The following MTUS2 variants were observed in gnomAD, a reference collection of about 807,000 sequenced individuals.
MTUS2 encodes the protein microtubule associated scaffold protein 2.
In MTUS2, 40 loss-of-function variants were observed where a neutral mutation model predicts 114.1. That is an observed-to-expected ratio of 0.35 (90% CI 0.27 to 0.46). The LOEUF (loss-of-function observed/expected upper bound fraction) is 0.46, where lower values mean the gene tolerates loss of function less well. Among genes scored for constraint, MTUS2 ranks in the 20% least tolerant of loss-of-function variants. The pLI is 1.00. For missense variants in MTUS2, 1,679 were observed against 1,705.4 expected (o/e 0.98, Z 0.27); for synonymous variants, 688 against 672.0 (o/e 1.02, Z -0.37).
At chr13:29,366,298 C>T (rs1405159047) in intron 8 of MTUS2, among the ~76,000 whole-genome samples, 2 of 152,116 alleles carry the variant, frequency 1.3e-5, no homozygotes, top group African/African-American at 4.8e-5. Context: ...CAGGGAAACT[C>T]CCCTTTATAA....
At chr13:29,124,013 A>G (rs1432978976) in intron 5 of MTUS2, among the ~76,000 whole-genome samples, 1 of 152,224 alleles carries the variant, frequency 6.6e-6, no homozygotes, top group Admixed American at 6.5e-5. Context: ...TTTTACAGAA[A>G]TGACAAATAA....
intron 2 of MTUS2, among the ~76,000 whole-genome samples, chr13:28,955,832 A>G (rs540296741): frequency 6.6e-6 from 1 of 151,890 alleles, no homozygotes; most frequent in African/African-American, 2.4e-5. Flanking sequence ...GCAGGCCTTC[A>G]TGGCATGCCC....
chr13:29,389,594 T>C (rs193189489), intron 8 of MTUS2, among the ~76,000 whole-genome samples: 1 of 138,618 alleles, frequency 7.2e-6, no homozygotes, highest in African/African-American at 2.7e-5. Context: ...CGTATACATA[T>C]GTGTGTATAC....
intron 9 of MTUS2, among the ~76,000 whole-genome samples, chr13:29,448,857 G>C (rs1472174236): frequency 6.7e-6 from 1 of 149,194 alleles, no homozygotes. Flanking sequence ...GAGTTCAAGC[G>C]ATTCTCCTGC....
chr13:29,467,299 G>A (rs1246273404), intron 9 of MTUS2, among the ~76,000 whole-genome samples: 3 of 152,138 alleles, frequency 2.0e-5, no homozygotes, highest in Admixed American at 2.0e-4. Flanking sequence ...GGAGATGATG[G>A]TACCTTACAA....
At position 28,971,100 on chromosome 13, in the gene MTUS2, C is replaced by T. The variant is rs11840461; in HGVS notation, c.-242-53357C>T. ...ATCCCTGGAACACACATTGAAAAAT[C>T]GTGCCAGAAAGTAGAGATTGGTGTT... On this transcript the variant is annotated intron_variant, in intron 2 of 15. Coordinates refer to ENST00000612955, the MANE Select transcript of MTUS2 (RefSeq NM_001033602.4). Among the ~76,000 whole-genome samples the T allele has an allele frequency of 9.5e-3, 1,450 of 152,280 alleles. 33 individuals are homozygous for T. The highest frequency in any genetic ancestry group is 0.033 in the African/African-American group (1,372 of 41,548).
intron 7 of MTUS2, among the ~76,000 whole-genome samples, chr13:29,331,410 C>T (rs578098631): frequency 2.0e-4 from 30 of 152,196 alleles, no homozygotes; most frequent in African/African-American, 6.0e-4. Flanking sequence ...TCTTCCTGTT[C>T]GAATATGCTT....
chr13:29,273,624 T>C (rs1897956297), intron 5 of MTUS2, among the ~76,000 whole-genome samples: 1 of 152,156 alleles, frequency 6.6e-6, no homozygotes, highest in Non-Finnish European at 1.5e-5. Flanking sequence ...ATTCACAAGG[T>C]TATGCAATAT....
intron 2 of MTUS2, among the ~76,000 whole-genome samples, chr13:28,920,302 G>A (rs1472625296): frequency 1.3e-5 from 2 of 152,172 alleles, no homozygotes; most frequent in African/African-American, 4.8e-5. Flanking sequence ...ATAACACTGT[G>A]GTTCTTGCAG....
At chr13:28,847,721 A>G (rs1875982118) in intron 2 of MTUS2, among the ~76,000 whole-genome samples, 1 of 152,112 alleles carries the variant, frequency 6.6e-6, no homozygotes, top group Admixed American at 6.5e-5. Flanking sequence ...TCCCGGGCCC[A>G]TCTCCTGGCT....
chr13:29,175,482 G>A (rs1893735693), intron 5 of MTUS2, among the ~76,000 whole-genome samples: 1 of 152,142 alleles, frequency 6.6e-6, no homozygotes. Context: ...CTTATACGTG[G>A]GCTAAAAATT....
At chr13:28,852,953 A>ATACC (rs1333659696) in intron 2 of MTUS2, among the ~76,000 whole-genome samples, 1 of 119,112 alleles carries the variant, frequency 8.4e-6, no homozygotes, top group Admixed American at 8.9e-5. Flanking sequence ...TCTTAAATAC[A>ATACC]TACATACATA....
chr13:29,050,301 C>G (rs547539101), intron 4 of MTUS2, among the ~76,000 whole-genome samples: 2 of 152,144 alleles, frequency 1.3e-5, no homozygotes. Flanking sequence ...GACTGGAACT[C>G]CCCCTTATGC....
chr13:28,861,900 C>A (rs573663662), intron 2 of MTUS2, among the ~76,000 whole-genome samples: 2 of 152,210 alleles, frequency 1.3e-5, no homozygotes, highest in East Asian at 1.9e-4. Context: ...TCCCTGGGAA[C>A]CCCCATACGC....
At chr13:28,925,435 C>G (rs993892914) in intron 2 of MTUS2, among the ~76,000 whole-genome samples, 1 of 152,170 alleles carries the variant, frequency 6.6e-6, no homozygotes, top group Non-Finnish European at 1.5e-5. Flanking sequence ...TAAACTAATA[C>G]TTGATTATCC....
intron 2 of MTUS2, among the ~76,000 whole-genome samples, chr13:28,843,821 C>G (rs369479319): frequency 6.6e-6 from 1 of 152,188 alleles, no homozygotes; most frequent in Non-Finnish European, 1.5e-5. Flanking sequence ...CATGCTGGCA[C>G]TGTGTCGTCT....
intron 7 of MTUS2, among the ~76,000 whole-genome samples, chr13:29,356,324 C>T (rs952715828): frequency 6.6e-6 from 1 of 152,218 alleles, no homozygotes; most frequent in African/African-American, 2.4e-5. Flanking sequence ...CCACCACCCT[C>T]CAGAAGTTGG....
Position 28,992,734 on chromosome 13 carries a change from TGTG to T in MTUS2, c.-242-31720_-242-31718del, listed in dbSNP as rs554833749. Among the ~76,000 whole-genome samples the T allele has an allele frequency of 1.9e-3, 290 of 152,342 alleles. 1 individual carries two copies. The highest frequency in any genetic ancestry group is 3.6e-3 in the Non-Finnish European group (244 of 68,028). ...CTCATATTTAAAATTTTCTTTTTAT[TGTG>T]GTAAAATATACACAACATACAATTT... On this transcript the variant is annotated intron_variant, in intron 2 of 15. Transcript: ENST00000612955.
chr13:28,893,499 G>C (rs1276145244), intron 2 of MTUS2, among the ~76,000 whole-genome samples: 1 of 152,218 alleles, frequency 6.6e-6, no homozygotes, highest in Non-Finnish European at 1.5e-5. Context: ...TTTGTGGTTA[G>C]AAGAATCTTG....
Sources: allele counts gnomAD v4.1 joint callset (sites outside exome capture counted in the v4.1 genomes callset), GRCh38; gene constraint gnomAD v4.1.1; transcripts MANE v1.5; gene names NCBI Gene and HGNC (gene_info 2026-07-23, HGNC 2026-07-21).